SAFB2: variants seen among roughly 807,000 people sequenced by gnomAD.
The protein encoded by SAFB2 is scaffold attachment factor B2.
Under a neutral mutation model 100.6 loss-of-function variants are expected in SAFB2, and 32 were observed. That is an observed-to-expected ratio of 0.32 (90% CI 0.24 to 0.43). The LOEUF is 0.43. Among genes scored for constraint, SAFB2 ranks in the 20% least tolerant of loss-of-function variants. The probability of loss-of-function intolerance (pLI) is 1.00; values close to 1 mark genes in which losing one functional copy is unlikely to be tolerated. For synonymous variants in SAFB2, 500 were observed against 439.4 expected (o/e 1.14, Z -1.72); for missense variants, 1,185 against 1,163.4 (o/e 1.02, Z -0.27).
In SAFB2 at chr19:5,587,770, A is replaced by G. The variant is rs765987965; in HGVS notation, c.2639-3T>C. 94 of 1,552,632 alleles carry G rather than the reference A, an allele frequency of 6.1e-5. No homozygotes were observed. Among genetic ancestry groups the G allele is most frequent in the Non-Finnish European group, 5.0e-5 (57 of 1,147,822 alleles). On this transcript the variant is annotated splice_region_variant and splice_polypyrimidine_tract_variant and intron_variant, in intron 19 of 20. Transcript: ENST00000252542. The surrounding 1 kb of genome is among the most constrained non-coding windows in gnomAD (Gnocchi z 4.9). ...CCCAGACAGGCCCCTCTCGCCACCT[A>G]GAAGAGAAGAAGGGTCTGCAAACAC...
chr19:5,594,220 C>A, intron 14 of SAFB2, 42 bp from the exon 15 acceptor site: 1 of 1,512,896 alleles, frequency 6.6e-7, no homozygotes, highest in Non-Finnish European at 8.8e-7. Flanking sequence ...CCTGCGTGAG[C>A]CTCCAAGGAG....
chr19:5,598,971 T>C (rs2052594070), intron 12 of SAFB2, 87 bp from the exon 13 acceptor site: 2 of 1,207,946 alleles, frequency 1.7e-6, no homozygotes, highest in Non-Finnish European at 2.4e-6. Flanking sequence ...CCCTGGGCTT[T>C]TGAACACACA....
intron 16 of SAFB2, 84 bp from the exon 17 acceptor site, chr19:5,591,877 A>G (rs2052414984): frequency 1.5e-6 from 2 of 1,297,236 alleles, no homozygotes; most frequent in Admixed American, 1.7e-5. Context: ...CGACTGGGAT[A>G]CTTTTTCCAT....
chr19:5,616,102 C>A, intron 4 of SAFB2, 30 bp downstream of exon 4: 2 of 1,609,412 alleles, frequency 1.2e-6, no homozygotes, highest in Non-Finnish European at 1.7e-6. Flanking sequence ...GGGCTATGGG[C>A]ACATCCTGCC....
intron 16 of SAFB2, among the ~76,000 whole-genome samples, chr19:5,592,527 T>G (rs960227939): frequency 6.6e-5 from 10 of 152,112 alleles, no homozygotes; most frequent in Non-Finnish European, 1.3e-4. Context: ...AAAGAGTCGG[T>G]GGATGGAATG....
chr19:5,604,779 T>C lies in SAFB2; in HGVS notation c.1446+8A>G, dbSNP rs1467859757. The stretch of plus-strand genomic sequence containing the variant: ...TTTGCGAGTTACCATAGACGAGAAC[T>C]GCCTCACCTTCTCTACGGAGATCAT... On this transcript the variant is annotated splice_region_variant and intron_variant, in intron 10 of 20. Coordinates refer to ENST00000252542, the MANE Select transcript of SAFB2 (RefSeq NM_014649.3). The C allele has an allele frequency of 1.2e-6, 2 of 1,614,046 alleles. No homozygotes were observed. Among genetic ancestry groups the C allele is most frequent in the Non-Finnish European group, 8.5e-7 (1 of 1,179,860 alleles).
chr19:5,594,984 G>A (rs1442795874), intron 14 of SAFB2, among the ~76,000 whole-genome samples: 3 of 152,108 alleles, frequency 2.0e-5, no homozygotes, highest in Non-Finnish European at 2.9e-5. Context: ...GAGTAGCTGG[G>A]ACTACAAGTG....
At chr19:5,610,816 C>A in intron 7 of SAFB2, 128 bp from the exon 8 acceptor site, 3 of 760,844 alleles carry the variant, frequency 3.9e-6, no homozygotes, top group Non-Finnish European at 6.3e-6. Flanking sequence ...TAACAGACAC[C>A]TCTGCAAGCT....
intron 13 of SAFB2, among the ~76,000 whole-genome samples, chr19:5,597,593 A>G (rs565289779): frequency 2.0e-5 from 3 of 152,268 alleles, no homozygotes; most frequent in East Asian, 3.9e-4. Flanking sequence ...GTGCAGAGGA[A>G]GCCGAGGAGC....
chr19:5,591,105 C>T (rs1244602589), intron 17 of SAFB2, among the ~76,000 whole-genome samples: 1 of 152,132 alleles, frequency 6.6e-6, no homozygotes, highest in Non-Finnish European at 1.5e-5. Context: ...ACGACAACCA[C>T]CATTTGGGTT....
In SAFB2 at chr19:5,587,897, G is replaced by A. The variant is rs200296728; in HGVS notation, c.2609C>T (p.Ala870Val). 23 of 1,612,342 alleles carry A rather than the reference G, an allele frequency of 1.4e-5. No individual in the cohort carries two copies. Among genetic ancestry groups the A allele is most frequent in the East Asian group, 6.7e-5 (3 of 44,866 alleles). ...RAWQGAMDAG[A>V]ASREHARWQG... is the part of the protein sequence containing the mutation. Reference sequence around the variant, plus strand: ...CCACCTGGCGTGCTCCCGGCTAGCCGCGCCTGCGTCCATGGCACCCTGCCA... The same window carrying A: ...CCACCTGGCGTGCTCCCGGCTAGCCACGCCTGCGTCCATGGCACCCTGCCA... The change falls in exon 19 of 21, where the codon GCG (alanine) becomes GTG (valine). Residue 870 changes from alanine (A) to valine (V), a missense_variant. Transcript: ENST00000252542. The surrounding 1 kb of genome is among the most constrained non-coding windows in gnomAD (Gnocchi z 4.9).
At chr19:5,592,154 G>T (rs2052422024) in intron 16 of SAFB2, among the ~76,000 whole-genome samples, 1 of 152,142 alleles carries the variant, frequency 6.6e-6, no homozygotes, top group African/African-American at 2.4e-5. Context: ...GCAGAATTAA[G>T]AGTGTGGCCT....
chr19:5,603,451 G>A (rs1019914887), intron 11 of SAFB2, among the ~76,000 whole-genome samples: 1 of 152,188 alleles, frequency 6.6e-6, no homozygotes, highest in Non-Finnish European at 1.5e-5. Flanking sequence ...GCCATGATCA[G>A]ATACAACACG....
chr19:5,599,995 T>C, intron 12 of SAFB2, 135 bp downstream of exon 12: 8 of 899,270 alleles, frequency 8.9e-6, no homozygotes, highest in Non-Finnish European at 1.2e-5. Flanking sequence ...CAGACTCTTG[T>C]TTCTTTAACA....
At chr19:5,600,831 A>C (rs963836304) in intron 11 of SAFB2, among the ~76,000 whole-genome samples, 9 of 152,240 alleles carry the variant, frequency 5.9e-5, no homozygotes, top group African/African-American at 2.2e-4. Context: ...GGAAGGTGTT[A>C]AGTGCCATTT....
In SAFB2 at chr19:5,613,498, C is replaced by T; in HGVS notation, c.573G>A (p.Leu191=). 1 of 1,614,002 alleles carries T rather than the reference C, an allele frequency of 6.2e-7. No homozygotes were observed. The highest frequency in any genetic ancestry group is 8.5e-7 in the Non-Finnish European group (1 of 1,179,922). The part of the protein sequence containing the change: ...AVDGEGFKNT[L]ETSSLNFKVT... ...CTTTGAAGTTCAACGATGAAGTTTCCAAAGTGTTCTTAAATCCTTCCCCAT... is the reference window on the plus strand; with the variant it reads ...CTTTGAAGTTCAACGATGAAGTTTCTAAAGTGTTCTTAAATCCTTCCCCAT... Residue 191 remains leucine, a synonymous_variant, in exon 5 of 21, where the codon TTG becomes TTA. Transcript: ENST00000252542.
chr19:5,589,902 T>G (rs1423175452), intron 18 of SAFB2, among the ~76,000 whole-genome samples: 1 of 152,084 alleles, frequency 6.6e-6, no homozygotes, highest in African/African-American at 2.4e-5. Context: ...AAGACACGTG[T>G]CAAGAGGCAA....
chr19:5,605,551 G>A (rs1195272414), intron 9 of SAFB2, among the ~76,000 whole-genome samples: 2 of 152,138 alleles, frequency 1.3e-5, no homozygotes, highest in African/African-American at 4.8e-5. Context: ...TTTCCACTGT[G>A]CCCACAAACA....
In SAFB2 at chr19:5,590,365, C is replaced by T. The variant is rs374443575; in HGVS notation, c.2438G>A (p.Arg813His). 62 of 1,611,724 alleles carry T rather than the reference C, an allele frequency of 3.8e-5. No individual in the cohort carries two copies. The African/African-American group carries it at 6.5e-4, about 17-fold the overall frequency. ...DRHGHGGPPE[R>H]HGRDSRDGWG... Reference sequence around the variant, plus strand: ...GCCATCACGGGAGTCCCGGCCGTGGCGCTCTGGGGGTCCTCCGTGGCCATG... The same window carrying T: ...GCCATCACGGGAGTCCCGGCCGTGGTGCTCTGGGGGTCCTCCGTGGCCATG... Residue 813 changes from arginine (R) to histidine (H), a missense_variant, in exon 18 of 21, where the codon CGC becomes CAC. By Grantham distance (29) the Arg-to-His change is conservative. Transcript: ENST00000252542.
Sources: allele counts gnomAD v4.1 joint callset (sites outside exome capture counted in the v4.1 genomes callset), GRCh38; gene constraint gnomAD v4.1.1; non-coding constraint Gnocchi (gnomAD v3.1); transcripts MANE v1.5; gene names NCBI Gene and HGNC (gene_info 2026-07-23, HGNC 2026-07-21).